Variants in ZNF469 observed in about 807,000 individuals in gnomAD.
ZNF469 encodes zinc finger protein 469.
A neutral mutation model predicts 1.0 loss-of-function variants in ZNF469; 1 was observed. The observed-to-expected ratio is 1.00, with a 90% confidence interval of 0.35 to 4.73. The LOEUF (loss-of-function observed/expected upper bound fraction) is 4.73. Ranked by LOEUF, ZNF469 falls within the 30% of genes most tolerant of loss-of-function variation. ZNF469 has a pLI of 0.16. For missense variants in ZNF469, 6,100 were observed against 5,356.3 expected (o/e 1.14, Z -4.33); for synonymous variants, 2,703 against 2,363.4 (o/e 1.14, Z -4.17).
rs1906186926 is a variant in ZNF469, at chr16:88,431,578, A to C, written c.4108A>C (p.Lys1370Gln). ...NRDPLGVPVA[K>Q]KGPQPYSSPH... is the part of the protein sequence containing the mutation. ...AGACCCCTTGGGGGTTCCAGTTGCC[A>C]AAAAGGGGCCTCAGCCCTACAGCAG... Residue 1370 changes from lysine (K) to glutamine (Q), a missense_variant, in exon 3 of 3, where the codon AAA (lysine) becomes CAA (glutamine). Lys to Gln is a moderately conservative substitution (Grantham distance 53). Coordinates refer to ENST00000565624, the MANE Select transcript of ZNF469 (RefSeq NM_001367624.2). 4.5e-6 allele frequency: 7 copies of C among 1,550,434 alleles called. No homozygotes were observed. Among genetic ancestry groups the C allele is most frequent in the Non-Finnish European group, 5.2e-6 (6 of 1,146,978 alleles).
chr16:88,353,353 C>T, the ZNF469 span, among the ~76,000 whole-genome samples: 28 of 152,106 alleles, frequency 1.8e-4, no homozygotes, highest in Non-Finnish European at 2.8e-4. Flanking sequence ...ACTCAGAGGG[C>T]GGGACAGTGT....
At chr16:88,167,308 C>T in the ZNF469 span, among the ~76,000 whole-genome samples, 5 of 152,052 alleles carry the variant, frequency 3.3e-5, no homozygotes, top group South Asian at 2.1e-4. Context: ...GTGATCCGCC[C>T]GCCTCGGCCT....
At chr16:88,268,465 C>G in the ZNF469 span, among the ~76,000 whole-genome samples, 4 of 152,244 alleles carry the variant, frequency 2.6e-5, no homozygotes, top group Non-Finnish European at 1.5e-5. Flanking sequence ...CAGAATTTCC[C>G]TATTTTTGAG....
At chr16:88,312,635 C>G in the ZNF469 span, among the ~76,000 whole-genome samples, 1 of 152,176 alleles carries the variant, frequency 6.6e-6, no homozygotes, top group Non-Finnish European at 1.5e-5. Context: ...TTAGAAACAT[C>G]TTTCATGATT....
the ZNF469 span, among the ~76,000 whole-genome samples, chr16:88,336,484 A>G: frequency 7.0e-6 from 1 of 142,112 alleles, no homozygotes; most frequent in South Asian, 2.2e-4. Flanking sequence ...ACGCACGTTC[A>G]TCCTTCACAT....
chr16:88,321,912 G>T, the ZNF469 span, among the ~76,000 whole-genome samples: 2 of 152,232 alleles, frequency 1.3e-5, no homozygotes, highest in Non-Finnish European at 1.5e-5. Flanking sequence ...ACCCAGACAG[G>T]TGGGATGGAA....
At chr16:88,331,000 CCAT>C in the ZNF469 span, among the ~76,000 whole-genome samples, 59 of 151,980 alleles carry the variant, frequency 3.9e-4, no homozygotes, top group African/African-American at 1.3e-3. Flanking sequence ...ACCATCACCA[CCAT>C]CGTCACCATC....
Position 88,439,386 on chromosome 16 carries a change from C to A in ZNF469, c.*54C>A. ...GCTGGGCGTTCCTGTCTCGGCCTGC[C>A]TCCTTGGCCAGCTCCGGCTCCCTGA... On this transcript the variant is annotated 3_prime_UTR_variant, in exon 3 of 3. Transcript: ENST00000565624. 1 of 1,541,228 alleles carries A rather than the reference C, an allele frequency of 6.5e-7. No individual in the cohort carries two copies. Among genetic ancestry groups the A allele is most frequent in the Non-Finnish European group, 8.8e-7 (1 of 1,139,520 alleles).
the ZNF469 span, among the ~76,000 whole-genome samples, chr16:88,166,302 C>T: frequency 6.6e-6 from 1 of 152,342 alleles, no homozygotes; most frequent in African/African-American, 2.4e-5. This position sits in a 1 kb window ranked among gnomAD's most constrained non-coding sequence, Gnocchi z 4.5. Context: ...TCCTTCCCTC[C>T]ATCCATCTTA....
chr16:88,226,187 T>C, the ZNF469 span, among the ~76,000 whole-genome samples: 1 of 152,116 alleles, frequency 6.6e-6, no homozygotes, highest in African/African-American at 2.4e-5. Context: ...CTGAGTCTTT[T>C]TGGACAGTTG....
At position 88,437,708 on chromosome 16, in the gene ZNF469, T is replaced by C. The variant is rs1167180616; in HGVS notation, c.10238T>C (p.Ile3413Thr). The change falls in exon 3 of 3, where the codon ATC becomes ACC. Residue 3413 changes from isoleucine to threonine, a missense_variant. Physicochemically the swap from Ile to Thr is moderately conservative, Grantham distance 89 (BLOSUM62 -1). Transcript: ENST00000565624. ...ACELCATVMR[I>T]IKKSFACSSC... ...GAGCTCTGCGCCACGGTTATGCGCA[T>C]CATCAAGAAGTCCTTCGCCTGCAGC... The C allele has an allele frequency of 6.5e-7, 1 of 1,549,782 alleles. No homozygotes were observed. Among genetic ancestry groups the C allele is most frequent in the Admixed American group, 2.0e-5 (1 of 50,992 alleles).
the ZNF469 span, among the ~76,000 whole-genome samples, chr16:88,235,904 G>C: frequency 6.6e-6 from 1 of 152,216 alleles, no homozygotes; most frequent in Non-Finnish European, 1.5e-5. Context: ...ACAGATGTGC[G>C]TTGGCTCTGC....
At chr16:88,180,794 C>T in the ZNF469 span, among the ~76,000 whole-genome samples, 353 of 151,880 alleles carry the variant, frequency 2.3e-3, 1 homozygote, top group African/African-American at 8.1e-3. Context: ...AACAAACAAA[C>T]AAATAAAAGT....
Position 88,430,565 on chromosome 16 carries a change from C to G in ZNF469, c.3095C>G (p.Pro1032Arg), listed in dbSNP as rs556195040. The change falls in exon 3 of 3, where the codon CCC becomes CGC. Residue 1032 changes from proline (P) to arginine (R), a missense_variant. By Grantham distance (103) the Pro-to-Arg change is moderately radical. Transcript: ENST00000565624. The stretch of plus-strand genomic sequence containing the variant: ...AGCTCCCGGCGCCGCCGGCTGCCCC[C>G]CAGGAAGGACCCCAGGAAGAGGAAG... ...TRSSRRRRLP[P>R]RKDPRKRKAR... The G allele has an allele frequency of 4.0e-6, 6 of 1,488,658 alleles. No homozygotes were observed. The highest frequency in any genetic ancestry group is 1.3e-5 in the South Asian group (1 of 78,394). 92.2% of individuals were successfully genotyped at this position (1,488,658 alleles called of 1,614,324 possible). A position where few individuals can be genotyped will look rare whatever the true frequency, so the allele number is the denominator to read the frequency against.
Position 88,427,439 on chromosome 16 carries a change from C to A in ZNF469, c.-32C>A. On this transcript the variant is annotated 5_prime_UTR_variant, in exon 3 of 3. The change creates a new upstream start codon in the 5' untranslated region. Transcript: ENST00000565624. The stretch of plus-strand genomic sequence containing the variant: ...ACTCCCCAGGGCCCCCCTCGGACAG[C>A]TGCGTCGTCCTAGCGCCAGGACGGA... The A allele has an allele frequency of 6.9e-7, 1 of 1,457,042 alleles. No individual in the cohort carries two copies. The highest frequency in any genetic ancestry group is 9.0e-7 in the Non-Finnish European group (1 of 1,106,582). The allele number at this position is 1,457,042 out of a possible 1,614,324, so 90.3% of individuals were successfully genotyped here.
Position 88,435,731 on chromosome 16 carries a change from G to T in ZNF469, c.8261G>T (p.Gly2754Val). 1 of 1,550,864 alleles carries T rather than the reference G, an allele frequency of 6.4e-7. No individual in the cohort carries two copies. The part of the protein sequence containing the change: ...PTGQKGASAR[G>V]FWGPRETKAL... Reference sequence around the variant, plus strand: ...GGGCAGAAGGGAGCCTCGGCAAGGGGGTTCTGGGGACCAAGAGAGACCAAG... The same window carrying T: ...GGGCAGAAGGGAGCCTCGGCAAGGGTGTTCTGGGGACCAAGAGAGACCAAG... The change falls in exon 3 of 3, where the codon GGG becomes GTG. Residue 2754 changes from glycine (G) to valine (V), a missense_variant. By Grantham distance (109) the Gly-to-Val change is moderately radical (BLOSUM62 -3). Transcript: ENST00000565624.
At position 88,437,321 on chromosome 16, in the gene ZNF469, G is replaced by T; in HGVS notation, c.9851G>T (p.Gly3284Val). The T allele has an allele frequency of 3.2e-6, 5 of 1,547,160 alleles. No individual in the cohort carries two copies. The highest frequency in any genetic ancestry group is 4.4e-6 in the Non-Finnish European group (5 of 1,145,398). ...RARSTPSNPD[G>V]AATPDSASAT... ...CGCAGCACCCCCAGCAACCCAGACGGGGCCGCGACCCCAGACAGCGCCTCT... is the reference window on the plus strand; with the variant it reads ...CGCAGCACCCCCAGCAACCCAGACGTGGCCGCGACCCCAGACAGCGCCTCT... The change falls in exon 3 of 3, where the codon GGG (glycine) becomes GTG (valine). Residue 3284 changes from glycine (G) to valine (V), a missense_variant. Coordinates refer to ENST00000565624, the MANE Select transcript of ZNF469 (RefSeq NM_001367624.2).
the ZNF469 span, among the ~76,000 whole-genome samples, chr16:88,277,150 AGTGCACGG>A: frequency 9.9e-5 from 15 of 151,292 alleles, no homozygotes; most frequent in African/African-American, 3.6e-4. Flanking sequence ...TGTAGATATC[AGTGCACGG>A]TTAGTGCTGC....
the ZNF469 span, among the ~76,000 whole-genome samples, chr16:88,316,440 G>C: frequency 2.6e-5 from 4 of 152,154 alleles, no homozygotes; most frequent in South Asian, 8.3e-4. Context: ...TTTTCATGAG[G>C]GTGATGTGAT....
Sources: gnomAD v4.1 joint callset for allele counts (sites outside exome capture counted in the v4.1 genomes callset) on GRCh38, gnomAD v4.1.1 for gene constraint, Gnocchi (gnomAD v3.1) non-coding constraint, MANE v1.5 for transcripts, NCBI Gene and HGNC (gene_info 2026-07-23, HGNC 2026-07-21) for gene names.